GNG12: variants seen among roughly 807,000 people sequenced by gnomAD.
The protein encoded by GNG12 is G protein subunit gamma 12.
For missense variants in GNG12, 69 were observed against 83.8 expected, an observed-to-expected ratio of 0.82 and a Z score of 0.69; for synonymous variants, 28 against 29.7, an observed-to-expected ratio of 0.94 and a Z score of 0.19.
At chr1:67,719,731 C>T (rs1008157048) in intron 2 of GNG12, among the ~76,000 whole-genome samples, 7 of 152,240 alleles carry the variant, frequency 4.6e-5, no homozygotes, top group Middle Eastern at 3.4e-3. Context: ...TTTATCATAC[C>T]TACTGAGATC....
chr1:67,811,292 C>T (rs1005979268), intron 1 of GNG12, among the ~76,000 whole-genome samples: 15 of 152,096 alleles, frequency 9.9e-5, no homozygotes, highest in African/African-American at 3.4e-4. Flanking sequence ...TGTGTGCCTT[C>T]GAGGTCTCAC....
intron 3 of GNG12, 126 bp from the exon 4 acceptor site, chr1:67,705,702 C>T (rs2100664498): frequency 1.4e-6 from 2 of 1,381,370 alleles, no homozygotes; most frequent in East Asian, 5.3e-5. Context: ...AGTCTCAAAG[C>T]ATCACTCTCA....
rs1646237054 is a variant in GNG12, at chr1:67,704,850, A to G, written c.*601T>C. The G allele has an allele frequency of 1.3e-5, 2 of 152,374 alleles. No individual in the cohort carries two copies. The highest frequency in any genetic ancestry group is 2.9e-5 in the Non-Finnish European group (2 of 68,038). The allele number at this position is 152,374 out of a possible 1,614,324, so 9.4% of individuals were successfully genotyped here. On this transcript the variant is annotated 3_prime_UTR_variant, in exon 4 of 4. Coordinates refer to ENST00000370982, the MANE Select transcript of GNG12 (RefSeq NM_018841.6). ...ACTCTTTACTTTTTGTACAATAACGATATGAAAGGAATTTTTTATTCTACC... is the reference window on the plus strand; with the variant it reads ...ACTCTTTACTTTTTGTACAATAACGGTATGAAAGGAATTTTTTATTCTACC...
chr1:67,766,851 T>G (rs546021267), intron 2 of GNG12, among the ~76,000 whole-genome samples: 3 of 152,228 alleles, frequency 2.0e-5, no homozygotes, highest in Admixed American at 2.0e-4. Flanking sequence ...TGGGCCTCGC[T>G]TCCCCCTCAC....
chr1:67,772,528 C>T (rs893110768), intron 2 of GNG12: 7 of 152,218 alleles, frequency 4.6e-5, no homozygotes, highest in Admixed American at 1.3e-4. Flanking sequence ...TTCCTTCCCT[C>T]CTTCTGGTAC....
chr1:67,784,694 G>A (rs1646757980), intron 1 of GNG12, among the ~76,000 whole-genome samples: 1 of 152,124 alleles, frequency 6.6e-6, no homozygotes, highest in South Asian at 2.1e-4. Context: ...ATAGCGCACA[G>A]TAATCAACAG....
chr1:67,788,125 G>C (rs1237171583), intron 1 of GNG12, among the ~76,000 whole-genome samples: 1 of 152,160 alleles, frequency 6.6e-6, no homozygotes, highest in Admixed American at 6.5e-5. Context: ...CTTCTCAAAG[G>C]CTCCTATATA....
intron 1 of GNG12, among the ~76,000 whole-genome samples, chr1:67,827,575 G>A (rs916936041): frequency 2.0e-5 from 3 of 151,978 alleles, no homozygotes; most frequent in African/African-American, 7.3e-5. Flanking sequence ...ACAGGCGACC[G>A]CCACCACGCC....
chr1:67,822,237 G>A (rs1221637132), intron 1 of GNG12, among the ~76,000 whole-genome samples: 1 of 150,616 alleles, frequency 6.6e-6, no homozygotes, highest in African/African-American at 2.4e-5. Context: ...TTTATGTGTG[G>A]CCCAAGACAA....
intron 1 of GNG12, among the ~76,000 whole-genome samples, chr1:67,787,574 AG>A (rs1163861296): frequency 6.6e-6 from 1 of 152,160 alleles, no homozygotes; most frequent in African/African-American, 2.4e-5. Context: ...GAGCACTGAC[AG>A]GGGGGACAGC....
chr1:67,705,397 G>A lies in GNG12; in HGVS notation c.*54C>T. The A allele has an allele frequency of 6.3e-7, 1 of 1,599,620 alleles. No homozygotes were observed. Among genetic ancestry groups the A allele is most frequent in the Non-Finnish European group, 8.5e-7 (1 of 1,173,938 alleles). On this transcript the variant is annotated 3_prime_UTR_variant, in exon 4 of 4. Coordinates refer to ENST00000370982, the MANE Select transcript of GNG12 (RefSeq NM_018841.6). The stretch of plus-strand genomic sequence containing the variant: ...AGCTGAAGGTAAATCTCTTCAAGGA[G>A]CTGCTCATAATTTGCGTTGTTGGGA...
At chr1:67,789,169 GTAAGACCAAGGGCCCGC>G (rs1646786603) in intron 1 of GNG12, among the ~76,000 whole-genome samples, 1 of 152,132 alleles carries the variant, frequency 6.6e-6, no homozygotes, top group African/African-American at 2.4e-5. Context: ...GACTTCAATG[GTAAGACCAAGGGCCCGC>G]TATTAAGTCC....
intron 2 of GNG12, among the ~76,000 whole-genome samples, chr1:67,759,384 C>T (rs1342765211): frequency 1.3e-5 from 2 of 152,158 alleles, no homozygotes; most frequent in South Asian, 2.1e-4. Flanking sequence ...TAACTGCATC[C>T]AAAGTACTGT....
chr1:67,803,576 C>A (rs766600368), intron 1 of GNG12, among the ~76,000 whole-genome samples: 10 of 152,152 alleles, frequency 6.6e-5, no homozygotes, highest in Non-Finnish European at 1.3e-4. Context: ...TGTGCCATAT[C>A]TATAATGAGT....
chr1:67,798,533 G>C (rs1048274768), intron 1 of GNG12, among the ~76,000 whole-genome samples: 2 of 152,060 alleles, frequency 1.3e-5, no homozygotes, highest in African/African-American at 2.4e-5. Flanking sequence ...CTGTCTTCCT[G>C]CCTCCCCATC....
rs77309184 is a variant in GNG12 at position 67,712,497 on chromosome 1, C to T, written c.-26-4785G>A. The stretch of plus-strand genomic sequence containing the variant: ...CTTGAGTCCAAGAGTTTGAGACCAG[C>T]CTGGGAACATAGTAAAAACTAGTCT... On this transcript the variant is annotated intron_variant, in intron 2 of 3. Coordinates refer to ENST00000370982, the MANE Select transcript of GNG12 (RefSeq NM_018841.6). Among the ~76,000 whole-genome samples the T allele has an allele frequency of 3.3e-5, 5 of 152,238 alleles. No homozygotes were observed. In the East Asian group the frequency reaches 9.7e-4, roughly 29 times the overall value.
intron 2 of GNG12, among the ~76,000 whole-genome samples, chr1:67,773,685 A>T (rs1218969148): frequency 1.3e-5 from 2 of 152,204 alleles, no homozygotes; most frequent in Non-Finnish European, 2.9e-5. Context: ...CATAGTGTAG[A>T]ATGACTTGAG....
At chr1:67,726,051 G>C (rs1319122581) in intron 2 of GNG12, among the ~76,000 whole-genome samples, 1 of 152,184 alleles carries the variant, frequency 6.6e-6, no homozygotes, top group Non-Finnish European at 1.5e-5. Context: ...AAGTGGAATG[G>C]AGTAGGAGGA....
intron 1 of GNG12, among the ~76,000 whole-genome samples, chr1:67,831,322 G>A (rs1238443801): frequency 1.3e-5 from 2 of 152,140 alleles, no homozygotes; most frequent in Non-Finnish European, 1.5e-5. Flanking sequence ...ATAAACCACC[G>A]ATATTCTCTA....
Sources: gnomAD v4.1 joint callset for allele counts (sites outside exome capture counted in the v4.1 genomes callset) on GRCh38, gnomAD v4.1.1 for gene constraint, MANE v1.5 for transcripts, NCBI Gene and HGNC (gene_info 2026-07-23, HGNC 2026-07-21) for gene names.